CTBP2: variants seen among roughly 807,000 people sequenced by gnomAD.
The protein encoded by CTBP2 is C-terminal-binding protein 2.
A neutral mutation model predicts 80.3 loss-of-function variants in CTBP2; 30 were observed. The ratio of observed to expected loss-of-function variants is 0.37; its 90% CI spans 0.28 to 0.51. CTBP2 has a LOEUF of 0.51. Ranked by LOEUF, CTBP2 falls within the 20% of genes least tolerant of loss-of-function variation. CTBP2 has a pLI of 0.93. For synonymous variants in CTBP2, 594 were observed against 587.4 expected (o/e 1.01, Z -0.16); for missense variants, 1,212 against 1,375.3 (o/e 0.88, Z 1.88).
At chr10:125,041,231 C>T (rs968627870) in intron 2 of CTBP2, among the ~76,000 whole-genome samples, 20 of 152,164 alleles carry the variant, frequency 1.3e-4, no homozygotes, top group Non-Finnish European at 2.1e-4. Context: ...CAGGCATGTG[C>T]CAACATGCCT....
intron 1 of CTBP2, among the ~76,000 whole-genome samples, chr10:125,148,370 T>C (rs559172551): frequency 1.5e-4 from 23 of 152,136 alleles, no homozygotes; most frequent in South Asian, 4.2e-4. Flanking sequence ...ACCAAAAAGG[T>C]GGTCCATGTG....
intron 2 of CTBP2, among the ~76,000 whole-genome samples, chr10:125,042,430 T>C (rs1044244869): frequency 9.9e-5 from 15 of 151,880 alleles, no homozygotes; most frequent in Middle Eastern, 3.4e-3. Context: ...AATCAATTTT[T>C]CCCCCCTAAA....
rs1850131158 is a variant in CTBP2 at position 125,098,764 on chromosome 10, G to GAGAGAGAGAGAGAC, written c.-102+12225_-102+12226insGTCTCTCTCTCTCT. On this transcript the variant is annotated intron_variant, in intron 2 of 10. Transcript: ENST00000337195. ...AGAGAGAGAGACAGAGAGAGAGAGA[G>GAGAGAGAGAGAGAC]AGAGAGAGAGAGAGACAGAGAGAGA... Among the ~76,000 whole-genome samples the GAGAGAGAGAGAGAC allele has an allele frequency of 1.4e-4, 15 of 105,424 alleles. 1 individual carries two copies. Among genetic ancestry groups the GAGAGAGAGAGAGAC allele is most frequent in the African/African-American group, 5.5e-4 (12 of 21,634 alleles). 69.2% of individuals were successfully genotyped at this position (105,424 alleles called of 152,430 possible). A position where few individuals can be genotyped will look rare whatever the true frequency, so the allele number is the denominator to read the frequency against.
At chr10:125,133,575 T>C (rs1338795813) in intron 1 of CTBP2, 1 of 152,236 alleles carries the variant, frequency 6.6e-6, no homozygotes, top group Non-Finnish European at 1.5e-5. Flanking sequence ...GGAGGGTGTC[T>C]GAGCAGTCCT....
intron 2 of CTBP2, among the ~76,000 whole-genome samples, chr10:125,103,089 C>T (rs1461657240): frequency 1.3e-5 from 2 of 152,150 alleles, no homozygotes; most frequent in Non-Finnish European, 2.9e-5. Context: ...CTCAAGAACA[C>T]GGCGTGATTA....
intron 1 of CTBP2, among the ~76,000 whole-genome samples, chr10:125,006,909 G>A (rs973240583): frequency 3.3e-5 from 5 of 152,182 alleles, no homozygotes; most frequent in Admixed American, 6.5e-5. Flanking sequence ...CACAGCTGAC[G>A]GCCTTTTCCA....
Position 124,989,081 on chromosome 10 carries a change from AAG to A in CTBP2, c.*435_*436del, listed in dbSNP as rs1349326979. 1 of 214,280 alleles carries A rather than the reference AAG, an allele frequency of 4.7e-6. No individual in the cohort carries two copies. Among genetic ancestry groups the A allele is most frequent in the Non-Finnish European group, 9.4e-6 (1 of 106,238 alleles). 13.3% of individuals were successfully genotyped at this position (214,280 alleles called of 1,614,324 possible). ...GTAATGTGATTTTCCTATTAGCAAA[AAG>A]AGGTCACCAGCCCCTGTAGACTTAA... On this transcript the variant is annotated 3_prime_UTR_variant, in exon 9 of 9. Transcript: ENST00000309035.
intron 2 of CTBP2, among the ~76,000 whole-genome samples, chr10:125,073,450 G>A (rs938492734): frequency 2.6e-5 from 4 of 152,186 alleles, no homozygotes; most frequent in East Asian, 1.9e-4. Flanking sequence ...CACCATGTTG[G>A]CCAGGCTGGT....
In CTBP2 at chr10:124,996,044, C is replaced by CTTTTTTTTT. The variant is rs1953467020; in HGVS notation, c.2186-1362_2186-1361insAAAAAAAAA. ...ATTTGAACCGTGCCGACGGCTATTT[C>CTTTTTTTTT]TTTGTTTTTTTTTTTTTTTTTTTTA... On this transcript the variant is annotated intron_variant, in intron 4 of 8. Coordinates refer to ENST00000309035, the MANE Select transcript of CTBP2 (RefSeq NM_022802.3). The CTTTTTTTTT allele has an allele frequency of 5.3e-5, 4 of 75,634 alleles. No individual in the cohort carries two copies. The South Asian group carries it at 1.3e-3, about 25-fold the overall frequency. The allele number at this position is 75,634 out of a possible 1,614,324, so 4.7% of individuals were successfully genotyped here.
intron 1 of CTBP2, among the ~76,000 whole-genome samples, chr10:125,126,742 G>A (rs1160464834): frequency 9.9e-5 from 15 of 151,578 alleles, no homozygotes; most frequent in Admixed American, 5.3e-4. Context: ...ACCACCCCCC[G>A]CTATACAGAC....
chr10:125,078,817 T>C (rs1025702268), intron 2 of CTBP2, among the ~76,000 whole-genome samples: 3 of 152,072 alleles, frequency 2.0e-5, no homozygotes, highest in Non-Finnish European at 4.4e-5. Flanking sequence ...CTACCATTCA[T>C]TACAAATTTT....
chr10:124,999,867 T>TA (rs1383313959), intron 3 of CTBP2: 1 of 152,240 alleles, frequency 6.6e-6, no homozygotes, highest in Non-Finnish European at 1.5e-5. Context: ...TCGGGCAGGC[T>TA]AAAGCCCAGC....
intron 1 of CTBP2, among the ~76,000 whole-genome samples, chr10:125,126,754 C>A (rs1452052163): frequency 2.6e-5 from 4 of 152,214 alleles, no homozygotes. Context: ...TATACAGACA[C>A]ACATATACAC....
intron 2 of CTBP2, among the ~76,000 whole-genome samples, chr10:125,064,598 C>CAA (rs1452918384): frequency 6.6e-6 from 1 of 152,212 alleles, no homozygotes; most frequent in Non-Finnish European, 1.5e-5. Context: ...TATTTATAGT[C>CAA]AGAGTGCGTG....
At chr10:125,060,896 C>T (rs1465272359) in intron 2 of CTBP2, among the ~76,000 whole-genome samples, 3 of 152,162 alleles carry the variant, frequency 2.0e-5, no homozygotes, top group African/African-American at 7.2e-5. Flanking sequence ...TGCTAAGGTG[C>T]AAAGGGAGGA....
chr10:125,106,121 G>A (rs1851413220), intron 2 of CTBP2, among the ~76,000 whole-genome samples: 1 of 152,228 alleles, frequency 6.6e-6, no homozygotes, highest in South Asian at 2.1e-4. Context: ...GCACAAGGGG[G>A]TCTCCACCAG....
intron 1 of CTBP2, among the ~76,000 whole-genome samples, chr10:125,144,525 C>T (rs531425418): frequency 6.1e-4 from 93 of 152,294 alleles, no homozygotes; most frequent in African/African-American, 2.2e-3. Flanking sequence ...ATAAATTCCC[C>T]GATCAAGATA....
intron 2 of CTBP2, among the ~76,000 whole-genome samples, chr10:125,050,349 A>T (rs1207994260): frequency 6.6e-6 from 1 of 152,258 alleles, no homozygotes; most frequent in Non-Finnish European, 1.5e-5. Flanking sequence ...TTTCAACCTG[A>T]GTCATAAAGA....
chr10:125,149,974 G>A (rs940490486), intron 1 of CTBP2, among the ~76,000 whole-genome samples: 6 of 152,226 alleles, frequency 3.9e-5, no homozygotes, highest in African/African-American at 1.4e-4. Flanking sequence ...GCAGGGGAGC[G>A]ACCCAAAGGA....
Sources: gnomAD v4.1 joint callset for allele counts (sites outside exome capture counted in the v4.1 genomes callset) on GRCh38, gnomAD v4.1.1 for gene constraint, MANE v1.5 for transcripts, NCBI Gene and HGNC (gene_info 2026-07-23, HGNC 2026-07-21) for gene names.